The following RNF121 variants were observed in gnomAD, a reference collection of about 807,000 sequenced individuals.
RNF121 encodes the protein ring finger protein 121, also known as E3 ubiquitin ligase RNF121.
A neutral mutation model predicts 46.5 loss-of-function variants in RNF121; 21 were observed. The ratio of observed to expected loss-of-function variants is 0.45; its 90% CI spans 0.32 to 0.65. The LOEUF (loss-of-function observed/expected upper bound fraction) is 0.65, where lower values mean the gene tolerates loss of function less well. RNF121 is among the 30% of genes least tolerant of loss of function. The pLI is 0.04. For synonymous variants in RNF121, 139 were observed against 144.7 expected, an observed-to-expected ratio of 0.96 and a Z score of 0.28; for missense variants, 346 against 416.0, an observed-to-expected ratio of 0.83 and a Z score of 1.46.
intron 1 of RNF121, among the ~76,000 whole-genome samples, chr11:71,954,084 A>C (rs930412057): frequency 2.6e-5 from 4 of 152,198 alleles, no homozygotes; most frequent in Admixed American, 2.6e-4. Flanking sequence ...AAGTATCCTT[A>C]TCTTGAGAGC....
intron 1 of RNF121, among the ~76,000 whole-genome samples, chr11:71,933,318 A>G (rs1953321240): frequency 6.6e-6 from 1 of 152,208 alleles, no homozygotes; most frequent in Non-Finnish European, 1.5e-5. Flanking sequence ...GAAATCATGC[A>G]TATCAGTGAG....
chr11:71,979,360 G>A (rs1002042410), intron 3 of RNF121, among the ~76,000 whole-genome samples: 1 of 152,216 alleles, frequency 6.6e-6, no homozygotes, highest in Non-Finnish European at 1.5e-5. Context: ...GTTTCAGAAA[G>A]CCTAATCCTG....
chr11:71,958,412 A>G (rs1421016019), intron 2 of RNF121, among the ~76,000 whole-genome samples: 1 of 152,184 alleles, frequency 6.6e-6, no homozygotes, highest in African/African-American at 2.4e-5. Flanking sequence ...CTTTGTTGTT[A>G]TGGAGTATCG....
At chr11:71,936,623 T>G (rs1953420714) in intron 1 of RNF121, among the ~76,000 whole-genome samples, 1 of 152,138 alleles carries the variant, frequency 6.6e-6, no homozygotes, top group African/African-American at 2.4e-5. Context: ...CTCGATCTCC[T>G]GACCTTGTGA....
chr11:71,958,475 A>G (rs1270870764), intron 2 of RNF121, among the ~76,000 whole-genome samples: 1 of 151,884 alleles, frequency 6.6e-6, no homozygotes, highest in Non-Finnish European at 1.5e-5. Context: ...TTTTTGTCTC[A>G]TTGTCAGAAC....
intron 1 of RNF121, among the ~76,000 whole-genome samples, chr11:71,929,426 C>T (rs546466407): frequency 6.6e-5 from 10 of 151,774 alleles, no homozygotes; most frequent in African/African-American, 2.4e-4. Flanking sequence ...AGGGTAGGAC[C>T]GAAGGGCTAA....
At chr11:71,984,643 A>AG (rs1954731680) in intron 4 of RNF121, among the ~76,000 whole-genome samples, 1 of 150,020 alleles carries the variant, frequency 6.7e-6, no homozygotes, top group African/African-American at 2.5e-5. Context: ...CCCAGGCTGG[A>AG]GTGCAGTTCA....
At chr11:71,991,058 G>C (rs1954854952) in intron 6 of RNF121, among the ~76,000 whole-genome samples, 2 of 152,148 alleles carry the variant, frequency 1.3e-5, no homozygotes, top group Non-Finnish European at 2.9e-5. Context: ...AGTAGGCACT[G>C]GGGACTACAA....
chr11:71,991,258 T>C (rs532876486), intron 6 of RNF121, among the ~76,000 whole-genome samples: 2 of 152,094 alleles, frequency 1.3e-5, no homozygotes, highest in South Asian at 4.2e-4. Flanking sequence ...TAGCCAGATC[T>C]CAGATGTACC....
chr11:71,937,590 G>A (rs1953449934), intron 1 of RNF121, among the ~76,000 whole-genome samples: 3 of 152,304 alleles, frequency 2.0e-5, no homozygotes, highest in South Asian at 4.1e-4. Flanking sequence ...CGAACTAATC[G>A]TTCCATGGTC....
intron 3 of RNF121, among the ~76,000 whole-genome samples, chr11:71,964,186 A>G (rs981730160): frequency 6.6e-6 from 1 of 152,012 alleles, no homozygotes; most frequent in African/African-American, 2.4e-5. Flanking sequence ...AATCTCTTTC[A>G]TCAATGTTTT....
chr11:71,963,961 G>T (rs1393767410), intron 3 of RNF121, among the ~76,000 whole-genome samples: 1 of 152,138 alleles, frequency 6.6e-6, no homozygotes, highest in East Asian at 1.9e-4. Flanking sequence ...CCTCAACTTT[G>T]TTATTATTTT....
chr11:71,940,656 A>G lies in RNF121; in HGVS notation c.63+11532A>G, dbSNP rs148399749. 3.0e-3 allele frequency among the ~76,000 whole-genome samples: 457 copies of G among 152,322 alleles called. 2 individuals carry two copies. Among genetic ancestry groups the G allele is most frequent in the African/African-American group, 0.011 (440 of 41,566 alleles). On this transcript the variant is annotated intron_variant, in intron 1 of 8. Transcript: ENST00000361756. ...CAATTATTGAGTTCTGATATATGCTAGATACTGTGCTGGGGACACAAAGAT... is the reference window on the plus strand; with the variant it reads ...CAATTATTGAGTTCTGATATATGCTGGATACTGTGCTGGGGACACAAAGAT...
chr11:71,952,562 A>G (rs1953906594), intron 1 of RNF121, among the ~76,000 whole-genome samples: 1 of 152,068 alleles, frequency 6.6e-6, no homozygotes, highest in South Asian at 2.1e-4. Flanking sequence ...TAATCCTAGC[A>G]CTTTGGGAGG....
intron 1 of RNF121, among the ~76,000 whole-genome samples, chr11:71,945,337 A>G (rs1953688501): frequency 6.6e-6 from 1 of 152,080 alleles, no homozygotes; most frequent in African/African-American, 2.4e-5. Flanking sequence ...TTTTTTTCAC[A>G]TGGCCACTGT....
At chr11:71,958,922 T>A (rs1470460996) in intron 2 of RNF121, among the ~76,000 whole-genome samples, 2 of 152,232 alleles carry the variant, frequency 1.3e-5, no homozygotes, top group African/African-American at 4.8e-5. Context: ...TTCACTGATA[T>A]GTTGTCTGAG....
intron 3 of RNF121, among the ~76,000 whole-genome samples, chr11:71,973,472 C>T (rs1954462535): frequency 6.6e-6 from 1 of 151,992 alleles, no homozygotes; most frequent in African/African-American, 2.4e-5. Flanking sequence ...GCCTGGGCAA[C>T]AGAGTGAGAC....
rs530746395 is a variant in RNF121, at chr11:71,988,134, C to T, written c.506+1023C>T. Among the ~76,000 whole-genome samples the T allele has an allele frequency of 7.2e-5, 11 of 152,322 alleles. No homozygotes were observed. In the South Asian group the frequency reaches 2.3e-3, roughly 32 times the overall value. ...TATCCCAGATAACGCTGCTCTGTTG[C>T]TTCCTAAGGGTGCATTCCTAGGGAT... On this transcript the variant is annotated intron_variant, in intron 5 of 8. Transcript: ENST00000361756.
chr11:71,986,291 A>C (rs1320517551), intron 4 of RNF121, among the ~76,000 whole-genome samples: 1 of 152,184 alleles, frequency 6.6e-6, no homozygotes, highest in African/African-American at 2.4e-5. Flanking sequence ...CCTCTGATTC[A>C]TCTCTTGAAT....
Sources: allele counts gnomAD v4.1 joint callset (sites outside exome capture counted in the v4.1 genomes callset), GRCh38; gene constraint gnomAD v4.1.1; transcripts MANE v1.5; gene names NCBI Gene and HGNC (gene_info 2026-07-23, HGNC 2026-07-21).